Variants in ARPC3 observed in about 807,000 individuals in gnomAD.
ARPC3 encodes the protein actin-related protein 2/3 complex subunit 3.
A neutral mutation model predicts 27.6 loss-of-function variants in ARPC3; 12 were observed. The observed-to-expected ratio is 0.43, with a 90% CI of 0.28 to 0.70. The LOEUF (loss-of-function observed/expected upper bound fraction) is 0.70. ARPC3 is among the 30% of genes least tolerant of loss of function. The pLI, the probability that ARPC3 is intolerant of heterozygous loss-of-function variation, is 0.17. For synonymous variants in ARPC3, 53 were observed against 67.2 expected (o/e 0.79, Z 1.03); for missense variants, 153 against 207.7 (o/e 0.74, Z 1.62).
intron 2 of ARPC3, chr12:110,444,939 G>C (rs546806847): frequency 1.5e-4 from 27 of 177,456 alleles, no homozygotes; most frequent in African/African-American, 6.0e-4. Flanking sequence ...GACAGTGTCT[G>C]AAAAATATTG....
At chr12:110,438,726 C>T (rs1355331879) in intron 3 of ARPC3, among the ~76,000 whole-genome samples, 1 of 150,864 alleles carries the variant, frequency 6.6e-6, no homozygotes, top group Non-Finnish European at 1.5e-5. Context: ...TCACCGCAAC[C>T]TCTGCCTCCT....
intron 3 of ARPC3, among the ~76,000 whole-genome samples, chr12:110,439,012 A>G (rs1403758469): frequency 6.7e-6 from 1 of 149,902 alleles, no homozygotes; most frequent in African/African-American, 2.5e-5. Flanking sequence ...TTTTTGAGAC[A>G]GTCTTGCTCT....
intron 1 of ARPC3, 50 bp from the exon 2 acceptor site, chr12:110,445,601 T>C (rs748379546): frequency 1.5e-6 from 2 of 1,360,388 alleles, no homozygotes; most frequent in South Asian, 2.3e-5. Flanking sequence ...AGAGCAAATG[T>C]CACTGTGGCA....
At chr12:110,445,691 G>C in intron 1 of ARPC3, 140 bp from the exon 2 acceptor site, 1 of 704,558 alleles carries the variant, frequency 1.4e-6, no homozygotes, top group East Asian at 2.7e-5. Flanking sequence ...CAGCATTGAG[G>C]TGCGAGGGCT....
At position 110,436,736 on chromosome 12, in the gene ARPC3, AC is replaced by A. The variant is rs2062407985; in HGVS notation, c.253-54del. On this transcript the variant is annotated intron_variant, in intron 4 of 6. Transcript: ENST00000228825. ...TACACACACACACACACACACACAC[AC>A]ACACACACACACACACATATTTTAC... 1.8e-5 allele frequency: 20 copies of A among 1,099,716 alleles called. No individual in the cohort carries two copies. In the East Asian group the frequency reaches 4.7e-4, roughly 26 times the overall value. 68.1% of individuals were successfully genotyped at this position (1,099,716 alleles called of 1,614,324 possible).
At chr12:110,442,353 G>T (rs2062442322) in intron 2 of ARPC3, among the ~76,000 whole-genome samples, 6 of 152,020 alleles carry the variant, frequency 3.9e-5, no homozygotes, top group African/African-American at 1.2e-4. Context: ...CACGCCTGTA[G>T]TCCCAGCACT....
In ARPC3 at chr12:110,436,687, G is replaced by GA. The variant is rs59861890; in HGVS notation, c.253-5dup. The GA allele has an allele frequency of 0.02, 15,991 of 803,604 alleles. 1,428 individuals carry two copies. The highest frequency in any genetic ancestry group is 0.099 in the African/African-American group (3,703 of 37,398). 49.8% of individuals were successfully genotyped at this position (803,604 alleles called of 1,614,324 possible). On this transcript the variant is annotated splice_region_variant and splice_polypyrimidine_tract_variant and intron_variant, in intron 4 of 6. Coordinates refer to ENST00000228825, the MANE Select transcript of ARPC3 (RefSeq NM_001278556.2). ...CACCTTGGCTTTTGGAATTGCACTG[G>GA]AAAAAAAAATATATATATATATATA...
Position 110,436,137 on chromosome 12 carries a change from G to A in ARPC3, c.447C>T (p.Phe149=), listed in dbSNP as rs752531052. The change falls in exon 6 of 7, where the codon TTC becomes TTT. Residue 149 remains phenylalanine, a synonymous_variant. Transcript: ENST00000228825. The part of the protein sequence containing the change: ...ETGLRLCEKV[F]DPQNDKPSKW... ...TGCTGGGTTTATCATTCTGAGGGTC[G>A]AAAACTTTCTCACAAAGTCTCAGTC... The A allele has an allele frequency of 1.6e-5, 26 of 1,613,382 alleles. No individual in the cohort carries two copies. The highest frequency in any genetic ancestry group is 2.2e-5 in the South Asian group (2 of 91,060).
At chr12:110,442,008 G>A (rs1231330958) in intron 2 of ARPC3, among the ~76,000 whole-genome samples, 1 of 147,244 alleles carries the variant, frequency 6.8e-6, no homozygotes, top group Non-Finnish European at 1.5e-5. Context: ...TCCAGCCTGG[G>A]CAACGAGATC....
In ARPC3 at chr12:110,436,629, A is replaced by C. The variant is rs766604518; in HGVS notation, c.307T>G (p.Phe103Val). Reference protein sequence around the residue: ...KEMYTLGITNFPIPGEPGFPL... With the variant: ...KEMYTLGITNVPIPGEPGFPL... ...AAACCAGGCTCTCCAGGAATGGGAA[A>C]ATTAGTGATTCCCAGCGTATACATT... Residue 103 changes from phenylalanine to valine, a missense_variant, in exon 5 of 7, where the codon TTT becomes GTT. Physicochemically the swap from Phe to Val is conservative, Grantham distance 50. Transcript: ENST00000228825. 6.2e-7 allele frequency: 1 copy of C among 1,612,532 alleles called. No homozygotes were observed.
intron 2 of ARPC3, among the ~76,000 whole-genome samples, chr12:110,444,040 G>A (rs1337113466): frequency 5.3e-5 from 8 of 151,604 alleles, no homozygotes; most frequent in Admixed American, 5.3e-4. Flanking sequence ...CATGATCTCG[G>A]CACACTGCAA....
intron 2 of ARPC3, chr12:110,442,626 A>AAT (rs1448002360): frequency 6.6e-6 from 1 of 151,634 alleles, no homozygotes; most frequent in Admixed American, 6.6e-5. Flanking sequence ...AATAATAAAA[A>AAT]ATATATATAA....
intron 3 of ARPC3, among the ~76,000 whole-genome samples, chr12:110,438,575 G>C (rs2062418220): frequency 6.6e-6 from 1 of 151,072 alleles, no homozygotes; most frequent in South Asian, 2.1e-4. Flanking sequence ...CTCCAGCCTG[G>C]TGACAGAGCG....
At chr12:110,443,384 C>CTAAA (rs2062448357) in intron 2 of ARPC3, among the ~76,000 whole-genome samples, 2 of 152,096 alleles carry the variant, frequency 1.3e-5, no homozygotes, top group African/African-American at 2.4e-5. Flanking sequence ...TCCCAAAGTG[C>CTAAA]TAAAGTACTG....
intron 3 of ARPC3, among the ~76,000 whole-genome samples, chr12:110,438,994 T>C (rs909071976): frequency 2.6e-5 from 4 of 151,786 alleles, no homozygotes; most frequent in African/African-American, 9.7e-5. Flanking sequence ...GCAGAGTTTT[T>C]TGTTTTTTTT....
chr12:110,438,786 G>A (rs2135499362), intron 3 of ARPC3, among the ~76,000 whole-genome samples: 1 of 150,856 alleles, frequency 6.6e-6, no homozygotes, highest in African/African-American at 2.4e-5. Context: ...TGGGATTACA[G>A]GCACGCACCA....
chr12:110,435,767 G>A (rs2062400104), intron 6 of ARPC3, among the ~76,000 whole-genome samples: 1 of 152,074 alleles, frequency 6.6e-6, no homozygotes, highest in Admixed American at 6.6e-5. Context: ...GAGATGACAG[G>A]TGCACACCAT....
chr12:110,443,925 A>T (rs2135502948), intron 2 of ARPC3, among the ~76,000 whole-genome samples: 1 of 152,152 alleles, frequency 6.6e-6, no homozygotes, highest in South Asian at 2.1e-4. Context: ...AGTGTGATTA[A>T]TGCTGTTATT....
At chr12:110,437,888 T>G (rs1041747290) in intron 3 of ARPC3, among the ~76,000 whole-genome samples, 1 of 152,162 alleles carries the variant, frequency 6.6e-6, no homozygotes, top group African/African-American at 2.4e-5. Context: ...TATTTCACAT[T>G]TGACTTGCTC....
Sources: gnomAD v4.1 joint callset for allele counts (sites outside exome capture counted in the v4.1 genomes callset) on GRCh38, gnomAD v4.1.1 for gene constraint, MANE v1.5 for transcripts, NCBI Gene and HGNC (gene_info 2026-07-23, HGNC 2026-07-21) for gene names.